Variants in GPD1L observed in about 807,000 individuals in gnomAD.
GPD1L encodes glycerol-3-phosphate dehydrogenase 1 like.
Under a neutral mutation model 32.9 loss-of-function variants are expected in GPD1L, and 17 were observed. The observed-to-expected ratio is 0.52, with a 90% confidence interval of 0.35 to 0.78. The LOEUF (loss-of-function observed/expected upper bound fraction) is 0.78. Ranked by LOEUF, GPD1L falls within the 30% of genes least tolerant of loss-of-function variation. The probability of loss-of-function intolerance (pLI) is 0.01; values close to 1 mark genes in which losing one functional copy is unlikely to be tolerated. For synonymous variants in GPD1L, 187 were observed against 165.9 expected, an observed-to-expected ratio of 1.13 and a Z score of -0.98; for missense variants, 361 against 447.8, an observed-to-expected ratio of 0.81 and a Z score of 1.75.
At chr3:32,119,753 G>A (rs983612199) in intron 1 of GPD1L, among the ~76,000 whole-genome samples, 6 of 152,140 alleles carry the variant, frequency 3.9e-5, no homozygotes, top group African/African-American at 1.4e-4. Flanking sequence ...AAAAGTACAT[G>A]TTATTTAAAC....
intron 7 of GPD1L, among the ~76,000 whole-genome samples, chr3:32,164,870 A>G (rs1701122882): frequency 1.3e-5 from 2 of 151,596 alleles, no homozygotes; most frequent in African/African-American, 4.9e-5. Flanking sequence ...TCAAGACTCT[A>G]TTGATTCTGC....
At chr3:32,140,879 C>G (rs1315066668) in intron 4 of GPD1L, among the ~76,000 whole-genome samples, 2 of 152,142 alleles carry the variant, frequency 1.3e-5, no homozygotes, top group Non-Finnish European at 2.9e-5. Context: ...AAATTTGAGT[C>G]TTCTGTTTCC....
At position 32,158,830 on chromosome 3, in the gene GPD1L, T is replaced by C. The variant is rs2305361; in HGVS notation, c.619-46T>C. 540,123 of 1,594,942 alleles carry C rather than the reference T, an allele frequency of 0.34. 96,852 individuals carry two copies. The highest frequency in any genetic ancestry group is 0.6 in the East Asian group (26,120 of 43,658). On this transcript the variant is annotated intron_variant, in intron 5 of 7. Coordinates refer to ENST00000282541, the MANE Select transcript of GPD1L (RefSeq NM_015141.4). ...CCACCACCTCTGGCATCCATACCCGTGGTGGGTGCTGTAACGGCATCTGGG... is the reference window on the plus strand; with the variant it reads ...CCACCACCTCTGGCATCCATACCCGCGGTGGGTGCTGTAACGGCATCTGGG...
At chr3:32,110,057 A>G (rs1559566689) in intron 1 of GPD1L, among the ~76,000 whole-genome samples, 2 of 152,222 alleles carry the variant, frequency 1.3e-5, no homozygotes, top group African/African-American at 4.8e-5. Context: ...AGCTGGGACT[A>G]CAGGCACCCG....
chr3:32,134,567 G>C (rs1023348738), intron 2 of GPD1L, among the ~76,000 whole-genome samples: 9 of 152,312 alleles, frequency 5.9e-5, no homozygotes, highest in Non-Finnish European at 1.3e-4. Flanking sequence ...ACTTTTTGCA[G>C]CCTCGACCTC....
At chr3:32,163,389 C>T (rs1701099705) in intron 7 of GPD1L, among the ~76,000 whole-genome samples, 1 of 151,868 alleles carries the variant, frequency 6.6e-6, no homozygotes, top group African/African-American at 2.4e-5. Context: ...AAGATGGTCT[C>T]GATCTCCTGA....
At chr3:32,142,372 C>T (rs1700757733) in intron 4 of GPD1L, among the ~76,000 whole-genome samples, 1 of 152,214 alleles carries the variant, frequency 6.6e-6, no homozygotes, top group African/African-American at 2.4e-5. Flanking sequence ...CTGCCTCAAC[C>T]TCCCAAAGTG....
At chr3:32,144,477 C>CAA (rs1700791753) in intron 4 of GPD1L, among the ~76,000 whole-genome samples, 1 of 152,190 alleles carries the variant, frequency 6.6e-6, no homozygotes, top group East Asian at 1.9e-4. Context: ...TATGGAATCA[C>CAA]AAACTAAAAT....
chr3:32,115,072 C>G (rs977630821), intron 1 of GPD1L, among the ~76,000 whole-genome samples: 1 of 152,250 alleles, frequency 6.6e-6, no homozygotes, highest in Non-Finnish European at 1.5e-5. Flanking sequence ...CCACCACTGG[C>G]TGGGGTGGCC....
Position 32,128,217 on chromosome 3 carries a change from A to G in GPD1L, c.189A>G (p.Val63=), listed in dbSNP as rs1700540035. The G allele has an allele frequency of 1.2e-6, 2 of 1,613,688 alleles. No homozygotes were observed. Among genetic ancestry groups the G allele is most frequent in the African/African-American group, 2.7e-5 (2 of 74,906 alleles). Residue 63 remains valine (V), a synonymous_variant, in exon 2 of 8, where the codon GTA becomes GTG. Coordinates refer to ENST00000282541, the MANE Select transcript of GPD1L (RefSeq NM_015141.4). ...TCATAAATAATGACCATGAAAATGT[A>G]AAATATCTTCCTGGACACAAGCTGC... The part of the protein sequence containing the change: ...TDIINNDHEN[V]KYLPGHKLPE...
intron 5 of GPD1L, among the ~76,000 whole-genome samples, chr3:32,149,889 C>T (rs2125492633): frequency 6.7e-6 from 1 of 149,952 alleles, no homozygotes; most frequent in South Asian, 2.1e-4. Flanking sequence ...GCAGAGGCTG[C>T]AGTGAGCCAA....
chr3:32,109,778 T>C (rs1434684112), intron 1 of GPD1L, among the ~76,000 whole-genome samples: 1 of 152,242 alleles, frequency 6.6e-6, no homozygotes, highest in Non-Finnish European at 1.5e-5. Flanking sequence ...CAGACACAGC[T>C]GGACACAGTC....
chr3:32,113,401 A>C lies in GPD1L; in HGVS notation c.47+6643A>C, dbSNP rs113693762. On this transcript the variant is annotated intron_variant, in intron 1 of 7. Transcript: ENST00000282541. ...ATGTCCCTTTGGACAGAAAAGTCACATATCTCCTAAATCTTGTCTCTGGCA... is the reference window on the plus strand; with the variant it reads ...ATGTCCCTTTGGACAGAAAAGTCACCTATCTCCTAAATCTTGTCTCTGGCA... Among the ~76,000 whole-genome samples, 699 of 152,094 alleles carry C rather than the reference A, an allele frequency of 4.6e-3. 1 individual carries two copies. The highest frequency in any genetic ancestry group is 0.014 in the Middle Eastern group (4 of 294).
rs112185839 is a variant in GPD1L, at chr3:32,166,154, A to G, written c.*244A>G. ...TATTCCTCATTCTGTGGATGTTTCT[A>G]TGAGCCAAAATTTGATGTCTTTTTT... On this transcript the variant is annotated 3_prime_UTR_variant, in exon 8 of 8. Transcript: ENST00000282541. 8.5e-4 allele frequency: 461 copies of G among 541,422 alleles called. 2 individuals carry two copies. In the Middle Eastern group the frequency reaches 0.01, roughly 12 times the overall value. The allele number at this position is 541,422 out of a possible 1,614,324, so 33.5% of individuals were successfully genotyped here. A position where few individuals can be genotyped will look rare whatever the true frequency, so the allele number is the denominator to read the frequency against.
Position 32,128,212 on chromosome 3 carries a change from A to G in GPD1L, c.184A>G (p.Asn62Asp), listed in dbSNP as rs1012809403. The G allele has an allele frequency of 1.2e-6, 2 of 1,613,792 alleles. No homozygotes were observed. Among genetic ancestry groups the G allele is most frequent in the African/African-American group, 1.3e-5 (1 of 74,928 alleles). The change falls in exon 2 of 8, where the codon AAT becomes GAT. Residue 62 changes from asparagine (N) to aspartate (D), a missense_variant. Transcript: ENST00000282541. ...LTDIINNDHE[N>D]VKYLPGHKLP... ...AGACATCATAAATAATGACCATGAA[A>G]ATGTAAAATATCTTCCTGGACACAA...
chr3:32,136,942 A>G (rs777324379), intron 2 of GPD1L, among the ~76,000 whole-genome samples: 8 of 152,142 alleles, frequency 5.3e-5, no homozygotes, highest in Non-Finnish European at 7.4e-5. Flanking sequence ...ACATCCAACA[A>G]TGAGAACTTG....
At position 32,117,450 on chromosome 3, in the gene GPD1L, T is replaced by C. The variant is rs1473303017; in HGVS notation, c.48-10626T>C. 3.3e-5 allele frequency among the ~76,000 whole-genome samples: 5 copies of C among 152,216 alleles called. No homozygotes were observed. In the South Asian group the frequency reaches 6.2e-4, roughly 19 times the overall value. The stretch of plus-strand genomic sequence containing the variant: ...TTTGTTTGTTCTGGATTACCTAGCA[T>C]GTCTGGTGTAGAGCTCAGGTTTGAA... On this transcript the variant is annotated intron_variant, in intron 1 of 7. Coordinates refer to ENST00000282541, the MANE Select transcript of GPD1L (RefSeq NM_015141.4).
At chr3:32,165,338 A>C (rs188478028) in intron 7 of GPD1L, among the ~76,000 whole-genome samples, 118 of 142,382 alleles carry the variant, frequency 8.3e-4, no homozygotes, top group African/African-American at 2.9e-3. Flanking sequence ...TGCTTTGCTA[A>C]TCGTGGGTCC....
rs1559570456 is a variant in GPD1L at position 32,121,507 on chromosome 3, ATATATATTTCTCTC to A, written c.48-6561_48-6548del. On this transcript the variant is annotated intron_variant, in intron 1 of 7. Transcript: ENST00000282541. ...TTTCTCTCTATATATATTTCTCTCT[ATATATATTTCTCTC>A]TATATATATTTCTATGTATATATTT... Among the ~76,000 whole-genome samples, 132 of 82,348 alleles carry A rather than the reference ATATATATTTCTCTC, an allele frequency of 1.6e-3. 21 individuals are homozygous for A. Among genetic ancestry groups the A allele is most frequent in the African/African-American group, 9.1e-3 (117 of 12,792 alleles). 54.0% of individuals were successfully genotyped at this position (82,348 alleles called of 152,430 possible).
Sources: gnomAD v4.1 joint callset for allele counts (sites outside exome capture counted in the v4.1 genomes callset) on GRCh38, gnomAD v4.1.1 for gene constraint, MANE v1.5 for transcripts, NCBI Gene and HGNC (gene_info 2026-07-23, HGNC 2026-07-21) for gene names.